Variants in PRKCQ observed in about 807,000 individuals in gnomAD.
The protein encoded by PRKCQ is protein kinase C theta.
Under a neutral mutation model 91.2 loss-of-function variants are expected in PRKCQ, and 41 were observed. The ratio of observed to expected loss-of-function variants is 0.45; its 90% CI spans 0.35 to 0.58. The LOEUF (loss-of-function observed/expected upper bound fraction) is 0.58, where lower values mean the gene tolerates loss of function less well. Among genes scored for constraint, PRKCQ ranks in the 20% least tolerant of loss-of-function variants. PRKCQ has a pLI of 0.00. For missense variants in PRKCQ, 673 were observed against 896.5 expected, an observed-to-expected ratio of 0.75 and a Z score of 3.18; for synonymous variants, 307 against 316.9, an observed-to-expected ratio of 0.97 and a Z score of 0.33.
intron 2 of PRKCQ, among the ~76,000 whole-genome samples, chr10:6,513,926 TC>T (rs1410675823): frequency 2.0e-5 from 3 of 152,196 alleles, no homozygotes; most frequent in African/African-American, 7.2e-5. Context: ...CTGCCCCCAG[TC>T]CCTCTCTTCT....
At chr10:6,417,089 CAT>C in the PRKCQ span, among the ~76,000 whole-genome samples, 1 of 152,190 alleles carries the variant, frequency 6.6e-6, no homozygotes. Context: ...TCCACCTCAC[CAT>C]ATAACCAATG....
At chr10:6,570,613 G>T (rs1841007385) in intron 1 of PRKCQ, among the ~76,000 whole-genome samples, 1 of 150,872 alleles carries the variant, frequency 6.6e-6, no homozygotes, top group Non-Finnish European at 1.5e-5. Context: ...GGAGTGCAAT[G>T]GGGCAATCTC....
In PRKCQ at chr10:6,456,708, G is replaced by T; in HGVS notation, c.1613C>A (p.Thr538Asn). The T allele has an allele frequency of 6.2e-7, 1 of 1,614,116 alleles. No individual in the cohort carries two copies. The highest frequency in any genetic ancestry group is 8.5e-7 in the Non-Finnish European group (1 of 1,180,006). Residue 538 changes from threonine (T) to asparagine (N), a missense_variant, in exon 15 of 18, where the codon ACC becomes AAC. Coordinates refer to ENST00000263125, the MANE Select transcript of PRKCQ (RefSeq NM_006257.5). ...GATGTAGTCAGGTGTCCCACAGAAG[G>T]TATTCGTCTTGGCATCTCCTAACAT... The part of the protein sequence containing the change: ...ENMLGDAKTN[T>N]FCGTPDYIAP...
At chr10:6,424,771 A>G (rs926943492), downstream of PRKCQ, among the ~76,000 whole-genome samples, 10 of 152,280 alleles carry the variant, frequency 6.6e-5, no homozygotes, top group Non-Finnish European at 1.0e-4. Context: ...ATCCTGGTCA[A>G]TGCTCTCTCT....
chr10:6,481,711 T>A lies in PRKCQ; in HGVS notation c.1179+1729A>T, dbSNP rs115878316. Among the ~76,000 whole-genome samples the A allele has an allele frequency of 6.4e-3, 974 of 152,298 alleles. 11 individuals carry two copies. The highest frequency in any genetic ancestry group is 0.022 in the African/African-American group (915 of 41,566). On this transcript the variant is annotated intron_variant, in intron 11 of 17. Coordinates refer to ENST00000263125, the MANE Select transcript of PRKCQ (RefSeq NM_006257.5). Reference sequence around the variant, plus strand: ...AATATTAAATAAACTGGGTAAGACATCCTGCCAAAGTCTGGTGAGCAGTTG... The same window carrying A: ...AATATTAAATAAACTGGGTAAGACAACCTGCCAAAGTCTGGTGAGCAGTTG...
intron 2 of PRKCQ, 37 bp downstream of exon 2, chr10:6,514,981 T>A: frequency 6.2e-7 from 1 of 1,611,734 alleles, no homozygotes; most frequent in Admixed American, 1.7e-5. Flanking sequence ...AGGATTCTCC[T>A]CCTCCTCCCC....
intron 8 of PRKCQ, among the ~76,000 whole-genome samples, chr10:6,486,606 A>G (rs1394671009): frequency 6.6e-6 from 1 of 152,252 alleles, no homozygotes; most frequent in Non-Finnish European, 1.5e-5. Context: ...ATGGAGCTGT[A>G]ACACCAACAG....
chr10:6,488,733 A>AT (rs1837079379), intron 8 of PRKCQ, among the ~76,000 whole-genome samples: 1 of 152,188 alleles, frequency 6.6e-6, no homozygotes, highest in Non-Finnish European at 1.5e-5. Context: ...TATAGCCAGA[A>AT]AAATTCACCT....
intron 1 of PRKCQ, among the ~76,000 whole-genome samples, chr10:6,549,174 A>G (rs1227910759): frequency 6.6e-6 from 1 of 152,184 alleles, no homozygotes; most frequent in Non-Finnish European, 1.5e-5. Context: ...GTTGTACACA[A>G]AATAAGTGTC....
intron 15 of PRKCQ, among the ~76,000 whole-genome samples, chr10:6,455,878 A>C (rs532672845): frequency 1.3e-5 from 2 of 152,304 alleles, no homozygotes; most frequent in East Asian, 3.9e-4. Flanking sequence ...TCGAAATGAA[A>C]ATTTTTAAAA....
chr10:6,563,595 C>T (rs537148725), intron 1 of PRKCQ, among the ~76,000 whole-genome samples: 160 of 152,318 alleles, frequency 1.1e-3, no homozygotes, highest in African/African-American at 3.7e-3. Flanking sequence ...TCTAAGCCCA[C>T]CGCTTTGTTC....
rs377395612 is a variant in PRKCQ, at chr10:6,487,402, C to T, written c.791-1258G>A. On this transcript the variant is annotated intron_variant, in intron 8 of 17. Transcript: ENST00000263125. ...GAGCACCTGTCAGGTGGGTGGAGAA[C>T]GGGGTGCTGGTGGCAGCTTGCACAG... is the stretch of plus-strand genomic sequence containing the variant. Among the ~76,000 whole-genome samples, 23 of 152,226 alleles carry T rather than the reference C, an allele frequency of 1.5e-4. No individual in the cohort carries two copies. The South Asian group carries it at 2.5e-3, about 16-fold the overall frequency.
intron 1 of PRKCQ, among the ~76,000 whole-genome samples, chr10:6,540,031 A>C (rs1839720344): frequency 6.6e-6 from 1 of 152,178 alleles, no homozygotes; most frequent in South Asian, 2.1e-4. Flanking sequence ...AAGGGTGGCC[A>C]GCACCCTCTT....
intron 1 of PRKCQ, among the ~76,000 whole-genome samples, chr10:6,523,275 C>A (rs1839083324): frequency 6.6e-6 from 1 of 151,906 alleles, no homozygotes; most frequent in Non-Finnish European, 1.5e-5. Flanking sequence ...CAATGCAAGA[C>A]CCTGTCTCTA....
intron 14 of PRKCQ, 70 bp from the exon 15 acceptor site, chr10:6,456,882 G>A (rs1835036065): frequency 1.3e-6 from 2 of 1,538,108 alleles, no homozygotes; most frequent in Admixed American, 3.5e-5. Context: ...TTCCATAGGA[G>A]GCGAGGGAGT....
rs565209133 is a variant in PRKCQ, at chr10:6,564,176, G to A, written c.-10+16035C>T. 5.3e-5 allele frequency among the ~76,000 whole-genome samples: 8 copies of A among 152,296 alleles called. No homozygotes were observed. The South Asian group carries it at 8.3e-4, about 16-fold the overall frequency. ...CGGGATTCTATTTTGCAGGTGATAT[G>A]GAGTAACCAAAGAGCTTTGCAGGGG... On this transcript the variant is annotated intron_variant, in intron 1 of 17. Coordinates refer to ENST00000263125, the MANE Select transcript of PRKCQ (RefSeq NM_006257.5).
At chr10:6,466,529 C>T (rs547245051) in intron 12 of PRKCQ, among the ~76,000 whole-genome samples, 28 of 152,178 alleles carry the variant, frequency 1.8e-4, no homozygotes, top group Non-Finnish European at 2.8e-4. Flanking sequence ...GCAGGCTCCA[C>T]AATAAATCTG....
intron 16 of PRKCQ, among the ~76,000 whole-genome samples, chr10:6,441,477 T>C (rs1161637830): frequency 1.3e-5 from 2 of 151,452 alleles, no homozygotes; most frequent in Non-Finnish European, 2.9e-5. Context: ...TTTTCCCCTT[T>C]ATTGTTTTGG....
At chr10:6,507,409 C>G in intron 4 of PRKCQ, 27 bp downstream of exon 4, 1 of 1,603,838 alleles carries the variant, frequency 6.2e-7, no homozygotes, top group Non-Finnish European at 8.5e-7. Context: ...TCCTCACCCC[C>G]AAACAGGAAG....
Sources: allele counts gnomAD v4.1 joint callset (sites outside exome capture counted in the v4.1 genomes callset), GRCh38; gene constraint gnomAD v4.1.1; transcripts MANE v1.5; gene names NCBI Gene and HGNC (gene_info 2026-07-23, HGNC 2026-07-21).